Variants in MRPL37 observed in about 807,000 individuals in gnomAD.
The protein encoded by MRPL37 is mitochondrial ribosomal protein L37.
Under a neutral mutation model 44.1 loss-of-function variants are expected in MRPL37, and 34 were observed. That is an observed-to-expected ratio of 0.77 (90% CI 0.59 to 1.03). The LOEUF (loss-of-function observed/expected upper bound fraction) is 1.03. Ranked by LOEUF, MRPL37 falls within the 50% of genes least tolerant of loss-of-function variation. The pLI, the probability that MRPL37 is intolerant of heterozygous loss-of-function variation, is 0.00. For missense variants in MRPL37, 532 were observed against 543.7 expected (o/e 0.98, Z 0.21); for synonymous variants, 212 against 219.5 (o/e 0.97, Z 0.30).
downstream of MRPL37, among the ~76,000 whole-genome samples, chr1:54,219,982 C>T (rs1644222027): frequency 6.6e-6 from 1 of 152,154 alleles, no homozygotes; most frequent in African/African-American, 2.4e-5. Flanking sequence ...CAGTGAGCAC[C>T]CTCGTTCATG....
In MRPL37 at chr1:54,210,063, CCTT is replaced by C; in HGVS notation, c.767_769del (p.Phe256del). 1 of 1,614,174 alleles carries C rather than the reference CCTT, an allele frequency of 6.2e-7. No individual in the cohort carries two copies. Among genetic ancestry groups the C allele is most frequent in the Non-Finnish European group, 8.5e-7 (1 of 1,180,008 alleles). The stretch of plus-strand genomic sequence containing the variant: ...GCTACTAAGAATCATGTTCTAGAGA[CCTT>C]CTACCCCATATCACCCATCATCGAT... On this transcript the variant is annotated inframe_deletion, in exon 4 of 7. Transcript: ENST00000360840.
chr1:54,200,787 T>TA (rs1252205771), intron 1 of MRPL37, among the ~76,000 whole-genome samples, 198 bp downstream of exon 1: 3 of 152,180 alleles, frequency 2.0e-5, no homozygotes, highest in Non-Finnish European at 4.4e-5. Flanking sequence ...GCAGGAGTAA[T>TA]AGAGAGTTTG....
downstream of MRPL37, among the ~76,000 whole-genome samples, chr1:54,221,240 C>A (rs1390350737): frequency 6.8e-6 from 1 of 147,058 alleles, no homozygotes; most frequent in Admixed American, 6.8e-5. Flanking sequence ...CAGGCTGGAC[C>A]TGGGGCAAGT....
downstream of MRPL37, chr1:54,225,134 A>G (rs1467665256): frequency 4.1e-6 from 5 of 1,234,240 alleles, no homozygotes; most frequent in African/African-American, 7.8e-5. Flanking sequence ...GAAAAATAAA[A>G]GACATTCCAG....
chr1:54,205,427 A>G lies in MRPL37; in HGVS notation c.646+17A>G. On this transcript the variant is annotated intron_variant, in intron 3 of 6. Transcript: ENST00000360840. ...GGAACCGAGGTTGGTCATCTTGTAC[A>G]CCAGAAAGCCTTGGTCTGTTTTTTT... 1 of 1,599,212 alleles carries G rather than the reference A, an allele frequency of 6.3e-7. No homozygotes were observed. The highest frequency in any genetic ancestry group is 2.2e-5 in the East Asian group (1 of 44,782).
At chr1:54,216,368 G>A in intron 6 of MRPL37, 24 bp downstream of exon 6, 6 of 1,610,412 alleles carry the variant, frequency 3.7e-6, no homozygotes, top group Non-Finnish European at 5.1e-6. Flanking sequence ...TCTCCTGCCT[G>A]ACCCAGGAGG....
Position 54,205,161 on chromosome 1 carries a change from T to C in MRPL37, c.490T>C (p.Trp164Arg). ...VLNVISHARL[W>R]QTTEEIPKRE... ...GAATGTGATCTCTCACGCCCGTCTC[T>C]GGCAGACCACTGAGGAAATCCCCAA... Residue 164 changes from tryptophan (W) to arginine (R), a missense_variant, in exon 2 of 7, where the codon TGG (tryptophan) becomes CGG (arginine). Physicochemically the swap from Trp to Arg is moderately radical, Grantham distance 101 (BLOSUM62 -3). Coordinates refer to ENST00000360840, the MANE Select transcript of MRPL37 (RefSeq NM_016491.4). 1 of 1,614,186 alleles carries C rather than the reference T, an allele frequency of 6.2e-7. No homozygotes were observed. Among genetic ancestry groups the C allele is most frequent in the African/African-American group, 1.3e-5 (1 of 75,030 alleles).
At position 54,200,379 on chromosome 1, in the gene MRPL37, C is replaced by T. The variant is rs978654100; in HGVS notation, c.136C>T (p.Leu46=). Reference sequence around the variant, plus strand: ...CACGCGGAAGTCGGAGCCTCCTCCCCTGGATAGGGTGTACGAGATCCCTGG... The same window carrying T: ...CACGCGGAAGTCGGAGCCTCCTCCCTTGGATAGGGTGTACGAGATCCCTGG... ...RSTRKSEPPP[L]DRVYEIPGLE... The change falls in exon 1 of 7, where the codon CTG becomes TTG. Residue 46 remains leucine (L), a synonymous_variant. Coordinates refer to ENST00000360840, the MANE Select transcript of MRPL37 (RefSeq NM_016491.4). 7 of 1,614,100 alleles carry T rather than the reference C, an allele frequency of 4.3e-6. No individual in the cohort carries two copies. Among genetic ancestry groups the T allele is most frequent in the Non-Finnish European group, 5.9e-6 (7 of 1,180,046 alleles).
chr1:54,208,095 T>A (rs1036251374), intron 3 of MRPL37, among the ~76,000 whole-genome samples: 2 of 152,230 alleles, frequency 1.3e-5, no homozygotes, highest in Non-Finnish European at 2.9e-5. Flanking sequence ...GCTGGCTTGC[T>A]GATGAGTCAG....
chr1:54,216,236 A>G lies in MRPL37; in HGVS notation c.1086A>G (p.Thr362=), dbSNP rs372950592. The G allele has an allele frequency of 2.4e-5, 39 of 1,614,144 alleles. No homozygotes were observed. Among genetic ancestry groups the G allele is most frequent in the Admixed American group, 6.7e-5 (4 of 60,016 alleles). Residue 362 remains threonine (T), a synonymous_variant, in exon 6 of 7, where the codon ACA becomes ACG. Coordinates refer to ENST00000360840, the MANE Select transcript of MRPL37 (RefSeq NM_016491.4). ...TCCTAGTGTTTCAACTGAATACCAC[A>G]GACCTGGACTGTAACGAGGGTGTCA... ...FHFLVFQLNT[T]DLDCNEGVKN...
chr1:54,210,154 T>G (rs746257633), intron 4 of MRPL37, 23 bp downstream of exon 4: 2 of 1,606,672 alleles, frequency 1.2e-6, no homozygotes, highest in South Asian at 2.2e-5. Flanking sequence ...GTCTTGGACT[T>G]TTAGGCAGTG....
Position 54,200,557 on chromosome 1 carries a change from A to C in MRPL37, c.314A>C (p.Tyr105Ser). 1.2e-6 allele frequency: 2 copies of C among 1,605,318 alleles called. No individual in the cohort carries two copies. Among genetic ancestry groups the C allele is most frequent in the Non-Finnish European group, 8.5e-7 (1 of 1,172,992 alleles). The change falls in exon 1 of 7, where the codon TAT becomes TCT. Residue 105 changes from tyrosine (Y) to serine (S), a missense_variant. Tyr to Ser is a moderately radical substitution (Grantham distance 144). Transcript: ENST00000360840. ...CCGCTGTACAAAGACCAGGCCTGCT[A>C]TATCTTTCACCACCGTTGCCGCCTT... Reference protein sequence around the residue: ...EHPLYKDQACYIFHHRCRLLE... With the variant: ...EHPLYKDQACSIFHHRCRLLE...
intron 3 of MRPL37, 35 bp downstream of exon 3, chr1:54,205,445 GTT>G: frequency 6.4e-7 from 1 of 1,563,514 alleles, no homozygotes; most frequent in African/African-American, 1.4e-5. Flanking sequence ...GCCTTGGTCT[GTT>G]TTTTTTGCCT....
downstream of MRPL37, chr1:54,225,261 G>A (rs934170272): frequency 6.3e-5 from 78 of 1,234,114 alleles, no homozygotes; most frequent in Middle Eastern, 4.1e-4. Flanking sequence ...AGGCCATCGC[G>A]ACTCCACAAG....
downstream of MRPL37, chr1:54,218,444 G>A: frequency 1.5e-6 from 2 of 1,367,616 alleles, no homozygotes; most frequent in South Asian, 1.5e-5. Flanking sequence ...AAGCCCTGGA[G>A]CCTGACCTGC....
At chr1:54,222,589 T>C (rs1334694022), downstream of MRPL37, among the ~76,000 whole-genome samples, 1 of 152,046 alleles carries the variant, frequency 6.6e-6, no homozygotes, top group East Asian at 1.9e-4. Flanking sequence ...CATCTCACTT[T>C]CCTGGTCTTC....
chr1:54,219,486 A>C (rs767566793), downstream of MRPL37, among the ~76,000 whole-genome samples: 3 of 152,202 alleles, frequency 2.0e-5, no homozygotes, highest in Non-Finnish European at 2.9e-5. Context: ...GGAAGTGGGG[A>C]GGCCGGAGGC....
chr1:54,212,176 G>A (rs1644169669), intron 4 of MRPL37, among the ~76,000 whole-genome samples: 1 of 152,222 alleles, frequency 6.6e-6, no homozygotes, highest in African/African-American at 2.4e-5. Context: ...CAGGTTGGCA[G>A]GCATTTTCTG....
chr1:54,211,033 C>A (rs542071313), intron 4 of MRPL37, among the ~76,000 whole-genome samples: 1 of 152,308 alleles, frequency 6.6e-6, no homozygotes, highest in Admixed American at 6.5e-5. Flanking sequence ...GTGCTAAATT[C>A]ATCATGCCCT....
Sources: gnomAD v4.1 joint callset for allele counts (sites outside exome capture counted in the v4.1 genomes callset) on GRCh38, gnomAD v4.1.1 for gene constraint, MANE v1.5 for transcripts, NCBI Gene and HGNC (gene_info 2026-07-23, HGNC 2026-07-21) for gene names.